The following C19orf25 variants were observed in gnomAD, a reference collection of about 807,000 sequenced individuals.
C19orf25 encodes UPF0449 protein C19orf25.
A neutral mutation model predicts 3.1 loss-of-function variants in C19orf25; 1 was observed. The ratio of observed to expected loss-of-function variants is 0.32; its 90% CI spans 0.12 to 1.54. C19orf25 has a LOEUF of 1.54. C19orf25 is among the 40% of genes most tolerant of loss of function. C19orf25 has a pLI of 0.38. For missense variants in C19orf25, 196 were observed against 160.4 expected, an observed-to-expected ratio of 1.22 and a Z score of -1.20; for synonymous variants, 91 against 74.3, an observed-to-expected ratio of 1.23 and a Z score of -1.16.
At position 1,478,862 on chromosome 19, in the gene C19orf25, G is replaced by A; in HGVS notation, c.42C>T (p.Arg14=). 6.3e-7 allele frequency: 1 copy of A among 1,594,950 alleles called. No homozygotes were observed. The highest frequency in any genetic ancestry group is 8.5e-7 in the Non-Finnish European group (1 of 1,172,680). ...KAKKRVLLPT[R]PAPPTVEQIL... ...TCTGCTCCACCGTGGGGGGCGCTGG[G>A]CGGGTGGGCAGCAGCACGCGCTTCT... Residue 14 remains arginine, a synonymous_variant, in exon 2 of 3, where the codon CGC becomes CGT. Coordinates refer to ENST00000585675, the MANE Select transcript of C19orf25 (RefSeq NM_152482.3).
intron 2 of C19orf25, 37 bp from the exon 3 acceptor site, chr19:1,475,295 C>A (rs774419622): frequency 1.3e-6 from 2 of 1,510,914 alleles, no homozygotes; most frequent in African/African-American, 1.4e-5. Context: ...GCCTGCTGAC[C>A]ACCCCATCCT....
At chr19:1,478,943 C>T in intron 1 of C19orf25, 38 bp from the exon 2 acceptor site, 4 of 1,539,572 alleles carry the variant, frequency 2.6e-6, no homozygotes, top group Non-Finnish European at 3.5e-6. Context: ...GGGGCGTCCA[C>T]CTCTCCGCCC....
chr19:1,475,428 T>C lies in C19orf25; in HGVS notation c.131-170A>G, dbSNP rs932061871. ...CAGGTGTGGTGGCTCACGCCTGTAA[T>C]CCAGCACTTTGGGAGGCCGAGGCGG... is the stretch of plus-strand genomic sequence containing the variant. On this transcript the variant is annotated intron_variant, in intron 2 of 2. Coordinates refer to ENST00000585675, the MANE Select transcript of C19orf25 (RefSeq NM_152482.3). The C allele has an allele frequency of 2.2e-5, 15 of 670,712 alleles. No individual in the cohort carries two copies. In the African/African-American group the frequency reaches 2.7e-4, roughly 12 times the overall value. The allele number at this position is 670,712 out of a possible 1,614,324, so 41.5% of individuals were successfully genotyped here.
intron 1 of C19orf25, 39 bp downstream of exon 1, chr19:1,479,124 G>A: frequency 2.3e-6 from 3 of 1,313,452 alleles, no homozygotes; most frequent in Non-Finnish European, 2.9e-6. Context: ...CTCTGCCTCA[G>A]TTTCCCCGCG....
chr19:1,475,651 G>A (rs569113220), intron 2 of C19orf25: 13 of 198,082 alleles, frequency 6.6e-5, no homozygotes, highest in South Asian at 4.7e-4. Flanking sequence ...ATCGTGCCAC[G>A]GTACTCCAGC....
At chr19:1,475,451 CG>C (rs1376480489) in intron 2 of C19orf25, 193 bp from the exon 3 acceptor site, 1 of 593,524 alleles carries the variant, frequency 1.7e-6, no homozygotes, top group Non-Finnish European at 3.0e-6. Context: ...GAGGCCGAGG[CG>C]GGAGGAACAC....
At chr19:1,475,694 TAAATAAAAAC>T (rs1052355725) in intron 2 of C19orf25, 6 of 175,200 alleles carry the variant, frequency 3.4e-5, no homozygotes, top group African/African-American at 1.2e-4. Flanking sequence ...GTCTCAAAAA[TAAATAAAAAC>T]AAAAATCAAG....
chr19:1,478,672 G>T, intron 2 of C19orf25, 102 bp downstream of exon 2: 1 of 1,511,748 alleles, frequency 6.6e-7, no homozygotes, highest in Non-Finnish European at 8.9e-7. Flanking sequence ...TGTTGCGGGG[G>T]TTCCCAGGGC....
chr19:1,477,396 C>T lies in C19orf25; in HGVS notation c.130+1378G>A, dbSNP rs560106187. The stretch of plus-strand genomic sequence containing the variant: ...ACTTGTCCATTAGCAGTGCTCTAAG[C>T]GCAGAGCCCAGCACACAGGAAGTGC... On this transcript the variant is annotated intron_variant, in intron 2 of 2. Transcript: ENST00000585675. Among the ~76,000 whole-genome samples the T allele has an allele frequency of 1.2e-4, 19 of 152,316 alleles. No individual in the cohort carries two copies. The East Asian group carries it at 1.5e-3, about 12-fold the overall frequency.
At position 1,474,525 on chromosome 19, in the gene C19orf25, G is replaced by T; in HGVS notation, c.*507C>A. 3.1e-6 allele frequency: 1 copy of T among 318,660 alleles called. No homozygotes were observed. Among genetic ancestry groups the T allele is most frequent in the Non-Finnish European group, 5.8e-6 (1 of 172,630 alleles). The allele number at this position is 318,660 out of a possible 1,614,324, so 19.7% of individuals were successfully genotyped here. The stretch of plus-strand genomic sequence containing the variant: ...GCCCAGGGTCGTTGTGAAGATCAAC[G>T]TGGCTTGTGGGAGGAGCCCGGGGCC... On this transcript the variant is annotated 3_prime_UTR_variant, in exon 3 of 3. Coordinates refer to ENST00000585675, the MANE Select transcript of C19orf25 (RefSeq NM_152482.3).
chr19:1,476,388 C>T (rs2084205996), intron 2 of C19orf25: 3 of 397,848 alleles, frequency 7.5e-6, no homozygotes, highest in Admixed American at 8.8e-5. Context: ...GTCCCCCGCA[C>T]AGCGTGCCTC....
intron 2 of C19orf25, among the ~76,000 whole-genome samples, chr19:1,477,204 G>A (rs967061790): frequency 6.6e-6 from 1 of 152,080 alleles, no homozygotes; most frequent in Non-Finnish European, 1.5e-5. Flanking sequence ...GTTTCACCAT[G>A]TTGGCCAGGG....
rs1156382203 is a variant in C19orf25 at position 1,475,500 on chromosome 19, G to C, written c.131-242C>G. On this transcript the variant is annotated intron_variant, in intron 2 of 2. Coordinates refer to ENST00000585675, the MANE Select transcript of C19orf25 (RefSeq NM_152482.3). Reference sequence around the variant, plus strand: ...GTTAGAGACCAGCCTGGACAACATAGTGACACCCCCATCTCTACCAAAAAA... The same window carrying C: ...GTTAGAGACCAGCCTGGACAACATACTGACACCCCCATCTCTACCAAAAAA... 4 of 505,648 alleles carry C rather than the reference G, an allele frequency of 7.9e-6. No individual in the cohort carries two copies. In the South Asian group the frequency reaches 1.2e-4, roughly 16 times the overall value. 31.3% of individuals were successfully genotyped at this position (505,648 alleles called of 1,614,324 possible).
At chr19:1,479,007 C>A in intron 1 of C19orf25, 102 bp from the exon 2 acceptor site, 1 of 1,419,828 alleles carries the variant, frequency 7.0e-7, no homozygotes, top group Non-Finnish European at 9.2e-7. Flanking sequence ...GTCGCGGTCC[C>A]GCTCCCGGGG....
At chr19:1,476,332 C>G in intron 2 of C19orf25, 1 of 398,782 alleles carries the variant, frequency 2.5e-6, no homozygotes, top group South Asian at 1.3e-4. Flanking sequence ...CGGGCAGTGC[C>G]TGGATGAAGG....
intron 2 of C19orf25, chr19:1,476,222 A>G (rs2084204046): frequency 2.5e-6 from 1 of 398,828 alleles, no homozygotes; most frequent in Non-Finnish European, 4.4e-6. Context: ...GCCCCTCGGC[A>G]GTGTGGTCTC....
chr19:1,478,939 T>A, intron 1 of C19orf25, 34 bp from the exon 2 acceptor site: 1 of 1,556,614 alleles, frequency 6.4e-7, no homozygotes, highest in Non-Finnish European at 8.6e-7. Context: ...GACCGGGGCG[T>A]CCACCTCTCC....
intron 2 of C19orf25, among the ~76,000 whole-genome samples, chr19:1,477,427 A>G (rs1221707589): frequency 6.6e-6 from 1 of 152,270 alleles, no homozygotes; most frequent in African/African-American, 2.4e-5. Flanking sequence ...AGTGCTCAAG[A>G]AAAGGATTGT....
intron 2 of C19orf25, chr19:1,478,412 GTT>G: frequency 4.4e-6 from 2 of 450,392 alleles, no homozygotes; most frequent in Non-Finnish European, 7.4e-6. Flanking sequence ...AGCTAACTCT[GTT>G]TTGTTTTTGT....
Sources: gnomAD v4.1 joint callset for allele counts (sites outside exome capture counted in the v4.1 genomes callset) on GRCh38, gnomAD v4.1.1 for gene constraint, MANE v1.5 for transcripts, NCBI Gene and HGNC (gene_info 2026-07-23, HGNC 2026-07-21) for gene names.